The following CLDN16 variants were observed in gnomAD, a reference collection of about 807,000 sequenced individuals.
The protein encoded by CLDN16 is claudin 16, also known as claudin-16.
Under a neutral mutation model 24.6 loss-of-function variants are expected in CLDN16, and 13 were observed. That is an observed-to-expected ratio of 0.53 (90% CI 0.34 to 0.84). The LOEUF (loss-of-function observed/expected upper bound fraction) is 0.84, where lower values mean the gene tolerates loss of function less well. Ranked by LOEUF, CLDN16 falls within the 40% of genes least tolerant of loss-of-function variation. The pLI, the probability that CLDN16 is intolerant of heterozygous loss-of-function variation, is 0.01. For missense variants in CLDN16, 298 were observed against 292.7 expected (o/e 1.02, Z -0.13); for synonymous variants, 116 against 106.7 (o/e 1.09, Z -0.54).
At chr3:190,335,825 A>C (rs1232551972) in intron 1 of CLDN16, among the ~76,000 whole-genome samples, 2 of 152,146 alleles carry the variant, frequency 1.3e-5, no homozygotes, top group Non-Finnish European at 2.9e-5. Context: ...TAGGGAGCTC[A>C]ATATAAATGA....
chr3:190,333,568 AT>A (rs1717230497), intron 1 of CLDN16, among the ~76,000 whole-genome samples: 1 of 120,478 alleles, frequency 8.3e-6, no homozygotes, highest in East Asian at 3.1e-4. Flanking sequence ...CTATCTATCT[AT>A]CTATCTATCT....
chr3:190,346,921 C>T (rs568565619), intron 1 of CLDN16, among the ~76,000 whole-genome samples: 1 of 152,258 alleles, frequency 6.6e-6, no homozygotes, highest in Non-Finnish European at 1.5e-5. Flanking sequence ...TCCAGTATTA[C>T]CTTATTACTT....
intron 1 of CLDN16, among the ~76,000 whole-genome samples, chr3:190,347,050 T>A (rs2108633004): frequency 6.6e-6 from 1 of 152,286 alleles, no homozygotes; most frequent in Middle Eastern, 3.4e-3. Flanking sequence ...AACTGTAAGA[T>A]GTTTGCCTAA....
At chr3:190,360,703 G>A (rs1005014874) in intron 1 of CLDN16, among the ~76,000 whole-genome samples, 4 of 150,560 alleles carry the variant, frequency 2.7e-5, no homozygotes, top group African/African-American at 4.9e-5. Context: ...TGCTTTTCTC[G>A]GATTAACTTT....
At chr3:190,308,518 A>G in the CLDN16 span, 3 of 1,317,314 alleles carry the variant, frequency 2.3e-6, no homozygotes, top group Non-Finnish European at 3.2e-6. Flanking sequence ...AAAAAAAATC[A>G]ATACTCATTG....
At chr3:190,352,806 G>A (rs1717696544) in intron 1 of CLDN16, among the ~76,000 whole-genome samples, 1 of 144,638 alleles carries the variant, frequency 6.9e-6, no homozygotes, top group Non-Finnish European at 1.5e-5. Context: ...AAAAAAAAAG[G>A]ATAAAAAAAA....
chr3:190,307,718 T>A, the CLDN16 span: 2 of 152,834 alleles, frequency 1.3e-5, no homozygotes, highest in South Asian at 4.1e-4. Context: ...AGGGCACGCA[T>A]GAAGAATTGA....
At chr3:190,290,385 G>T in the CLDN16 span, among the ~76,000 whole-genome samples, 1 of 152,196 alleles carries the variant, frequency 6.6e-6, no homozygotes, top group Non-Finnish European at 1.5e-5. Context: ...TTTTGTCTGT[G>T]AAGGCTAAAA....
chr3:190,384,175 G>T (rs1718432185), upstream of CLDN16, among the ~76,000 whole-genome samples: 1 of 151,298 alleles, frequency 6.6e-6, no homozygotes, highest in African/African-American at 2.4e-5. Flanking sequence ...TTATTGTTTA[G>T]ATTTTTCCAA....
At chr3:190,314,147 A>G in the CLDN16 span, among the ~76,000 whole-genome samples, 43 of 152,292 alleles carry the variant, frequency 2.8e-4, no homozygotes, top group Non-Finnish European at 5.7e-4. Flanking sequence ...AATGTAAATT[A>G]TATCTTTATC....
At chr3:190,302,858 A>G in the CLDN16 span, among the ~76,000 whole-genome samples, 3 of 151,182 alleles carry the variant, frequency 2.0e-5, no homozygotes, top group Non-Finnish European at 4.4e-5. Context: ...ATTACCATAT[A>G]CTGAAATGGA....
exon 3 of CLDN16, chr3:190,374,599 T>C (rs1718210057): frequency 1.3e-5 from 2 of 151,890 alleles, no homozygotes; most frequent in South Asian, 4.1e-4. Flanking sequence ...ATACAGCATG[T>C]GAAGGTCAGC....
At position 190,353,647 on chromosome 3, in the gene CLDN16, T is replaced by C. The variant is rs538546663; in HGVS notation, n.122-17246T>C. Among the ~76,000 whole-genome samples, 90 of 152,266 alleles carry C rather than the reference T, an allele frequency of 5.9e-4. 1 individual carries two copies. In the South Asian group the frequency reaches 0.018, roughly 31 times the overall value. ...TTAAGAGTCGTTCAAACAATTGAGA[T>C]ATTAAATCATCCTCTTGATATTTAA... On this transcript the variant is annotated intron_variant and non_coding_transcript_variant, in intron 1 of 4. Coordinates refer to the CLDN16 transcript ENST00000468220.
intron 1 of CLDN16, among the ~76,000 whole-genome samples, chr3:190,399,565 G>A (rs542560917): frequency 5.7e-4 from 86 of 152,172 alleles, no homozygotes; most frequent in African/African-American, 2.0e-3. Flanking sequence ...TAGCACATAT[G>A]CATCTTCTTA....
the CLDN16 span, chr3:190,305,567 G>A: frequency 6.6e-6 from 1 of 152,130 alleles, no homozygotes; most frequent in Non-Finnish European, 1.5e-5. Flanking sequence ...AGTGGGTGGA[G>A]CCACTCAAAT....
the CLDN16 span, among the ~76,000 whole-genome samples, chr3:190,298,436 G>A: frequency 1.4e-5 from 2 of 146,380 alleles, no homozygotes; most frequent in African/African-American, 5.1e-5. Context: ...TACGTGCAAT[G>A]TGTCCTTCTG....
At position 190,354,986 on chromosome 3, in the gene CLDN16, A is replaced by G. The variant is rs541018621; in HGVS notation, n.122-15907A>G. Among the ~76,000 whole-genome samples the G allele has an allele frequency of 2.0e-3, 303 of 152,182 alleles. 1 individual carries two copies. The highest frequency in any genetic ancestry group is 6.8e-3 in the African/African-American group (281 of 41,572). ...TTTGGCTCACAGAAAAGGTCAAAGT[A>G]TTAGTTCAATAAATCAACATTATTC... On this transcript the variant is annotated intron_variant and non_coding_transcript_variant, in intron 1 of 4. Transcript: ENST00000468220.
At chr3:190,336,004 G>A (rs3846099) in intron 1 of CLDN16, among the ~76,000 whole-genome samples, 7,915 of 152,182 alleles carry the variant, frequency 0.052, 294 homozygotes, top group East Asian at 0.15. Context: ...TGGAGATGCC[G>A]TAGCTTTTAC....
intron 1 of CLDN16, among the ~76,000 whole-genome samples, chr3:190,392,008 G>GT (rs1718689757): frequency 1.4e-5 from 2 of 145,582 alleles, no homozygotes; most frequent in East Asian, 2.0e-4. Context: ...CTTTGGCTCA[G>GT]TTTTTTCAAT....
Sources: gnomAD v4.1 joint callset for allele counts (sites outside exome capture counted in the v4.1 genomes callset) on GRCh38, gnomAD v4.1.1 for gene constraint, MANE v1.5 for transcripts, NCBI Gene and HGNC (gene_info 2026-07-23, HGNC 2026-07-21) for gene names.